The following ROBO1 variants were observed in gnomAD, a reference collection of about 807,000 sequenced individuals.
ROBO1 encodes the protein roundabout homolog 1.
ROBO1 carries 149 observed loss-of-function variants against 195.9 expected under a neutral mutation model. The observed-to-expected ratio is 0.76, with a 90% CI of 0.67 to 0.87. The LOEUF (loss-of-function observed/expected upper bound fraction) is 0.87, where lower values mean the gene tolerates loss of function less well. Ranked by LOEUF, ROBO1 falls within the 40% of genes least tolerant of loss-of-function variation. The probability of loss-of-function intolerance (pLI) is 0.00; values close to 1 mark genes in which losing one functional copy is unlikely to be tolerated. For synonymous variants in ROBO1, 816 were observed against 733.2 expected (o/e 1.11, Z -1.82); for missense variants, 1,933 against 2,068.3 (o/e 0.93, Z 1.27).
At chr3:79,273,139 A>C (rs2030720110) in intron 2 of ROBO1, among the ~76,000 whole-genome samples, 1 of 152,152 alleles carries the variant, frequency 6.6e-6, no homozygotes, top group African/African-American at 2.4e-5. Context: ...AGAAAAGGAC[A>C]TTAATGAGCA....
chr3:79,245,164 T>A (rs910914183), intron 2 of ROBO1, among the ~76,000 whole-genome samples: 1 of 152,132 alleles, frequency 6.6e-6, no homozygotes, highest in Admixed American at 6.6e-5. Flanking sequence ...GATCACATAG[T>A]CTGTTGTTCT....
chr3:78,626,825 A>G (rs1309257004), intron 26 of ROBO1, among the ~76,000 whole-genome samples: 2 of 152,030 alleles, frequency 1.3e-5, no homozygotes, highest in African/African-American at 4.8e-5. Context: ...CTCATATCTA[A>G]ATCAAAGGTA....
chr3:79,743,277 T>C (rs1180682787), intron 1 of ROBO1, among the ~76,000 whole-genome samples: 5 of 152,222 alleles, frequency 3.3e-5, no homozygotes, highest in African/African-American at 1.2e-4. Context: ...AAGGTTACTT[T>C]ACTGAATACT....
chr3:79,675,162 G>T (rs1946747735), intron 1 of ROBO1, among the ~76,000 whole-genome samples: 1 of 151,876 alleles, frequency 6.6e-6, no homozygotes, highest in African/African-American at 2.4e-5. Flanking sequence ...TTGGTCATTA[G>T]AATATTACAG....
intron 3 of ROBO1, among the ~76,000 whole-genome samples, chr3:78,978,490 A>C (rs2076928495): frequency 6.6e-6 from 1 of 152,238 alleles, no homozygotes; most frequent in Non-Finnish European, 1.5e-5. Flanking sequence ...CACCACACAC[A>C]GTATTGCCCA....
chr3:79,344,708 C>CAT (rs376031912), intron 2 of ROBO1, among the ~76,000 whole-genome samples: 28 of 151,086 alleles, frequency 1.9e-4, no homozygotes, highest in Admixed American at 1.4e-3. Flanking sequence ...TACATATATG[C>CAT]ATATATATAT....
chr3:78,964,297 C>G (rs746576057), intron 3 of ROBO1, among the ~76,000 whole-genome samples: 4 of 152,064 alleles, frequency 2.6e-5, no homozygotes, highest in Non-Finnish European at 4.4e-5. Context: ...AGCGGTTAGG[C>G]CTTCAACAAC....
chr3:79,192,178 T>C (rs2081552675), intron 2 of ROBO1, among the ~76,000 whole-genome samples: 2 of 151,664 alleles, frequency 1.3e-5, no homozygotes, highest in South Asian at 4.1e-4. Context: ...TTAGTAGTAA[T>C]CTTTATGCTG....
chr3:79,104,917 T>A (rs1187131435), intron 3 of ROBO1, among the ~76,000 whole-genome samples: 3 of 151,812 alleles, frequency 2.0e-5, no homozygotes, highest in Non-Finnish European at 4.4e-5. Flanking sequence ...GATGATATAA[T>A]CCATGAGAAG....
chr3:79,698,459 C>T (rs1947511606), intron 1 of ROBO1, among the ~76,000 whole-genome samples: 1 of 151,194 alleles, frequency 6.6e-6, no homozygotes, highest in Non-Finnish European at 1.5e-5. Context: ...TTTGCTTTTC[C>T]ACATATAGAT....
intron 3 of ROBO1, among the ~76,000 whole-genome samples, chr3:79,024,382 T>C (rs959747327): frequency 6.6e-6 from 1 of 152,196 alleles, no homozygotes; most frequent in Non-Finnish European, 1.5e-5. Context: ...AGGTCACTCT[T>C]TGGGGTCCCT....
chr3:79,704,518 G>C (rs1947711185), intron 1 of ROBO1, among the ~76,000 whole-genome samples: 1 of 151,836 alleles, frequency 6.6e-6, no homozygotes, highest in Admixed American at 6.6e-5. Flanking sequence ...TGACTTGGTA[G>C]TTTTTTCTTT....
intron 2 of ROBO1, among the ~76,000 whole-genome samples, chr3:79,333,695 G>GT (rs1226788580): frequency 1.3e-5 from 2 of 152,066 alleles, no homozygotes; most frequent in African/African-American, 4.8e-5. Flanking sequence ...TCCCTTTGCT[G>GT]TTTCTTATGC....
intron 2 of ROBO1, among the ~76,000 whole-genome samples, chr3:79,497,754 T>C (rs1026834911): frequency 6.6e-6 from 1 of 152,358 alleles, no homozygotes; most frequent in East Asian, 1.9e-4. Context: ...CAATTCAGTT[T>C]ACTATTACAA....
Position 79,441,468 on chromosome 3 carries a change from C to G in ROBO1, c.88+148356G>C, listed in dbSNP as rs1414030473. Among the ~76,000 whole-genome samples the G allele has an allele frequency of 2.0e-5, 3 of 152,208 alleles. No homozygotes were observed. In the East Asian group the frequency reaches 5.8e-4, roughly 29 times the overall value. ...GGCCAATCAGTTTTTAAGTAAATAA[C>G]TAAGTATTGTTTTTGCAATGTCTTT... On this transcript the variant is annotated intron_variant, in intron 2 of 30. Coordinates refer to ENST00000464233, the MANE Select transcript of ROBO1 (RefSeq NM_002941.4).
chr3:79,176,965 G>A (rs1285528570), intron 2 of ROBO1, among the ~76,000 whole-genome samples: 9 of 152,104 alleles, frequency 5.9e-5, no homozygotes, highest in Non-Finnish European at 1.2e-4. Flanking sequence ...CATAGTAAGT[G>A]TCTCTGTCTC....
At chr3:79,664,559 A>C (rs984021773) in intron 1 of ROBO1, among the ~76,000 whole-genome samples, 13 of 151,986 alleles carry the variant, frequency 8.6e-5, no homozygotes, top group African/African-American at 2.9e-4. Context: ...GATTGGCTTC[A>C]ATTTATTTTT....
chr3:78,619,837 A>G (rs7611517), intron 26 of ROBO1, among the ~76,000 whole-genome samples: 150,250 of 151,802 alleles, frequency 0.99, 74,374 homozygotes, highest in Middle Eastern at 1. Flanking sequence ...GGCCAACACG[A>G]CGAAACCCTG....
intron 1 of ROBO1, among the ~76,000 whole-genome samples, chr3:79,604,001 C>T (rs943023076): frequency 1.3e-5 from 2 of 152,032 alleles, no homozygotes; most frequent in African/African-American, 4.8e-5. Flanking sequence ...ACAAGTGATA[C>T]ACAACAGGTA....
Sources: gnomAD v4.1 joint callset for allele counts (sites outside exome capture counted in the v4.1 genomes callset) on GRCh38, gnomAD v4.1.1 for gene constraint, MANE v1.5 for transcripts, NCBI Gene and HGNC (gene_info 2026-07-23, HGNC 2026-07-21) for gene names.